The following MSL2 variants were observed in gnomAD, a reference collection of about 807,000 sequenced individuals.
The protein encoded by MSL2 is E3 ubiquitin-protein ligase MSL2.
MSL2 carries 2 observed loss-of-function variants against 35.8 expected under a neutral mutation model. The observed-to-expected ratio is 0.06, with a 90% CI of 0.02 to 0.18. MSL2 has a LOEUF of 0.18. Ranked by LOEUF, MSL2 falls within the 10% of genes least tolerant of loss-of-function variation. MSL2 has a pLI of 1.00. For missense variants in MSL2, 523 were observed against 706.7 expected, an observed-to-expected ratio of 0.74 and a Z score of 2.95; for synonymous variants, 296 against 255.7, an observed-to-expected ratio of 1.16 and a Z score of -1.50.
At position 136,194,304 on chromosome 3, in the gene MSL2, A is replaced by AT. The variant is rs998749587; in HGVS notation, c.142+667dup. 72 of 610,990 alleles carry AT rather than the reference A, an allele frequency of 1.2e-4. 1 individual carries two copies. Among genetic ancestry groups the AT allele is most frequent in the Middle Eastern group, 8.2e-4 (1 of 1,214 alleles). The allele number at this position is 610,990 out of a possible 1,614,324, so 37.8% of individuals were successfully genotyped here. On this transcript the variant is annotated intron_variant, in intron 1 of 1. Coordinates refer to ENST00000309993, the MANE Select transcript of MSL2 (RefSeq NM_018133.4). Reference sequence around the variant, plus strand: ...AAAGTATCCTACCCACCACGAGTTAATTTTTTTTAACAAAAACATCTAAAA... The same window carrying AT: ...AAAGTATCCTACCCACCACGAGTTAATTTTTTTTTAACAAAAACATCTAAAA...
intron 1 of MSL2, among the ~76,000 whole-genome samples, chr3:136,178,101 C>A (rs1445207596): frequency 6.6e-6 from 1 of 152,184 alleles, no homozygotes; most frequent in Admixed American, 6.5e-5. Context: ...AGACCCACAA[C>A]ATATTCATAT....
At chr3:136,167,820 AG>A (rs1056655555) in intron 1 of MSL2, among the ~76,000 whole-genome samples, 2 of 152,218 alleles carry the variant, frequency 1.3e-5, no homozygotes, top group African/African-American at 2.4e-5. Context: ...GAAAAAAATC[AG>A]TTTTTGTAAT....
At chr3:136,158,034 G>A (rs1395350453) in intron 1 of MSL2, among the ~76,000 whole-genome samples, 7 of 152,106 alleles carry the variant, frequency 4.6e-5, no homozygotes, top group Admixed American at 1.3e-4. Flanking sequence ...ACAAACCGCC[G>A]GGAGCAGTGG....
At chr3:136,160,373 G>A (rs1331415775) in intron 1 of MSL2, among the ~76,000 whole-genome samples, 5 of 92,618 alleles carry the variant, frequency 5.4e-5, no homozygotes, top group Non-Finnish European at 8.9e-5. Flanking sequence ...GAGGGAGGGA[G>A]GGAGATCAAA....
At chr3:136,169,843 G>T (rs1939969972) in intron 1 of MSL2, among the ~76,000 whole-genome samples, 2 of 152,088 alleles carry the variant, frequency 1.3e-5, no homozygotes, top group African/African-American at 4.8e-5. Flanking sequence ...GATCACTTGA[G>T]GTCAGGAGTT....
At chr3:136,187,303 C>T (rs935712897) in intron 1 of MSL2, among the ~76,000 whole-genome samples, 9 of 152,128 alleles carry the variant, frequency 5.9e-5, no homozygotes, top group South Asian at 4.1e-4. Flanking sequence ...ATGTTGTTCC[C>T]TTTCTTTTCA....
chr3:136,153,572 G>C (rs1360524007), intron 1 of MSL2, among the ~76,000 whole-genome samples: 4 of 152,048 alleles, frequency 2.6e-5, no homozygotes, highest in Non-Finnish European at 4.4e-5. Flanking sequence ...CGGATCACCT[G>C]AGGTCAGGAG....
rs1350000074 is a variant in MSL2, at chr3:136,151,155, C to T, written c.1726G>A (p.Asp576Asn). The T allele has an allele frequency of 6.2e-7, 1 of 1,608,880 alleles. No individual in the cohort carries two copies. The highest frequency in any genetic ancestry group is 8.5e-7 in the Non-Finnish European group (1 of 1,175,570). Residue 576 changes from aspartate to asparagine, a missense_variant, in exon 2 of 2, where the codon GAC (aspartate) becomes AAC (asparagine). Coordinates refer to ENST00000309993, the MANE Select transcript of MSL2 (RefSeq NM_018133.4). The surrounding 1 kb of genome is among the most constrained non-coding windows in gnomAD (Gnocchi z 5.2). ...TTAAAAGACCCACTGATTTAACAGT[C>T]GAATCTCATGTCTATAGCTTCATCC... ...SLDEAIDMRF[D>N]C
chr3:136,172,622 T>C (rs1410365602), intron 1 of MSL2, among the ~76,000 whole-genome samples: 1 of 152,180 alleles, frequency 6.6e-6, no homozygotes, highest in Non-Finnish European at 1.5e-5. Context: ...CTACATCCTC[T>C]TCTGTCCCCT....
At chr3:136,174,365 T>C (rs1221624980) in intron 1 of MSL2, among the ~76,000 whole-genome samples, 1 of 152,204 alleles carries the variant, frequency 6.6e-6, no homozygotes, top group Non-Finnish European at 1.5e-5. Flanking sequence ...CCTAGAATTA[T>C]TTTCACTTAT....
chr3:136,195,876 C>A lies in MSL2; in HGVS notation c.-763G>T. On this transcript the variant is annotated 5_prime_UTR_variant, in exon 1 of 2. Transcript: ENST00000309993. ...GCCGCCGCCGGCGGGCGGGAGGGGG[C>A]GGGGGGCAAGCCCGGCCGGGCCGCG... 1.1e-6 allele frequency: 1 copy of A among 932,858 alleles called. No homozygotes were observed. Among genetic ancestry groups the A allele is most frequent in the Non-Finnish European group, 1.3e-6 (1 of 784,140 alleles). The allele number at this position is 932,858 out of a possible 1,614,324, so 57.8% of individuals were successfully genotyped here. A position where few individuals can be genotyped will look rare whatever the true frequency, so the allele number is the denominator to read the frequency against.
At chr3:136,192,581 G>GA (rs1940720913) in intron 1 of MSL2, among the ~76,000 whole-genome samples, 1 of 143,072 alleles carries the variant, frequency 7.0e-6, no homozygotes, top group Non-Finnish European at 1.5e-5. Context: ...AGAAAGCAAA[G>GA]ATAAAAAAAA....
At chr3:136,175,686 AAAAC>A (rs1940153548) in intron 1 of MSL2, among the ~76,000 whole-genome samples, 1 of 152,168 alleles carries the variant, frequency 6.6e-6, no homozygotes, top group Admixed American at 6.6e-5. Flanking sequence ...CCCATCTCAA[AAAAC>A]AACAACAACA....
At position 136,152,743 on chromosome 3, in the gene MSL2, G is replaced by A. The variant is rs533000067; in HGVS notation, c.143-5C>T. 1.2e-6 allele frequency: 2 copies of A among 1,603,770 alleles called. No homozygotes were observed. Among genetic ancestry groups the A allele is most frequent in the African/African-American group, 1.3e-5 (1 of 74,442 alleles). On this transcript the variant is annotated splice_region_variant and splice_polypyrimidine_tract_variant and intron_variant, in intron 1 of 1. Coordinates refer to ENST00000309993, the MANE Select transcript of MSL2 (RefSeq NM_018133.4). ...TAGGATCTTGTAGCAAATGTCCTAA[G>A]GGGGAGAAGGAGGAAAGCAAAGATT...
intron 1 of MSL2, chr3:136,153,133 A>G: frequency 1.2e-6 from 1 of 837,606 alleles, no homozygotes. Context: ...CCAGCTATTC[A>G]GGAGGCTGAG....
In MSL2 at chr3:136,152,259, T is replaced by G; in HGVS notation, c.622A>C (p.Asn208His). 6.2e-7 allele frequency: 1 copy of G among 1,614,116 alleles called. No homozygotes were observed. Among genetic ancestry groups the G allele is most frequent in the Non-Finnish European group, 8.5e-7 (1 of 1,179,958 alleles). ...TTTGAATGTTCAGGTGAAGGAATAT[T>G]TATACCAAATCTATCTATTGAAAGC... ...NGLSIDRFGI[N>H]IPSPEHSNTI... The change falls in exon 2 of 2, where the codon AAT becomes CAT. Residue 208 changes from asparagine (N) to histidine (H), a missense_variant. Asn to His is a moderately conservative substitution (Grantham distance 68). Transcript: ENST00000309993.
At chr3:136,193,871 A>C (rs1193217448) in intron 1 of MSL2, among the ~76,000 whole-genome samples, 5 of 152,136 alleles carry the variant, frequency 3.3e-5, no homozygotes, top group Non-Finnish European at 7.3e-5. Flanking sequence ...TCTTGCAAAA[A>C]ACACCACCGC....
intron 1 of MSL2, among the ~76,000 whole-genome samples, chr3:136,187,810 C>T (rs1940565375): frequency 6.6e-6 from 1 of 151,984 alleles, no homozygotes. Flanking sequence ...TCAAGATAGG[C>T]AGTTAAAATG....
rs895869753 is a variant in MSL2, at chr3:136,172,065, C to A, written c.143-19327G>T. Among the ~76,000 whole-genome samples, 44 of 152,238 alleles carry A rather than the reference C, an allele frequency of 2.9e-4. 1 individual carries two copies. Among genetic ancestry groups the A allele is most frequent in the African/African-American group, 1.0e-3 (43 of 41,538 alleles). On this transcript the variant is annotated intron_variant, in intron 1 of 1. Coordinates refer to ENST00000309993, the MANE Select transcript of MSL2 (RefSeq NM_018133.4). Reference sequence around the variant, plus strand: ...GGCTCAAGCGATCCACCCACCTTGGCCTCCCAAAGGGCTGGGATTACAGGC... The same window carrying A: ...GGCTCAAGCGATCCACCCACCTTGGACTCCCAAAGGGCTGGGATTACAGGC...
Sources: allele counts gnomAD v4.1 joint callset (sites outside exome capture counted in the v4.1 genomes callset), GRCh38; gene constraint gnomAD v4.1.1; non-coding constraint Gnocchi (gnomAD v3.1); transcripts MANE v1.5; gene names NCBI Gene and HGNC (gene_info 2026-07-23, HGNC 2026-07-21).